Variants in EBF1 observed in about 807,000 individuals in gnomAD.
The protein encoded by EBF1 is EBF transcription factor 1.
EBF1 carries 10 observed loss-of-function variants against 68.4 expected under a neutral mutation model. The observed-to-expected ratio is 0.15, with a 90% CI of 0.09 to 0.25. The LOEUF is 0.25. EBF1 is among the 10% of genes least tolerant of loss of function. The probability of loss-of-function intolerance (pLI) is 1.00; values close to 1 mark genes in which losing one functional copy is unlikely to be tolerated. For synonymous variants in EBF1, 298 were observed against 299.8 expected (o/e 0.99, Z 0.06); for missense variants, 509 against 794.4 (o/e 0.64, Z 4.32).
chr5:158,989,515 C>T (rs145263089), intron 6 of EBF1, among the ~76,000 whole-genome samples: 124 of 152,318 alleles, frequency 8.1e-4, no homozygotes, highest in Middle Eastern at 3.4e-3. Flanking sequence ...CCATTTAAAA[C>T]CAATTGCAGG....
chr5:159,099,300 C>T, intron 1 of EBF1, 45 bp downstream of exon 1: 6 of 1,427,974 alleles, frequency 4.2e-6, no homozygotes, highest in Non-Finnish European at 5.5e-6. Context: ...TCCCGGCTCT[C>T]CCGCTCGCGG....
chr5:158,972,241 G>C (rs1166708696), intron 6 of EBF1, among the ~76,000 whole-genome samples: 2 of 152,060 alleles, frequency 1.3e-5, no homozygotes, highest in South Asian at 4.2e-4. Flanking sequence ...CATCTACCCA[G>C]CTGGATGCCC....
Position 158,962,760 on chromosome 5 carries a change from A to T in EBF1, c.554+110636T>A, listed in dbSNP as rs1275588421. On this transcript the variant is annotated intron_variant, in intron 6 of 15. Coordinates refer to ENST00000313708, the MANE Select transcript of EBF1 (RefSeq NM_024007.5). ...AGGTATAAATCTCGCCTGCGGGACT[A>T]AAAAGGTATAGGACTTCGAGCCATC... 2.0e-5 allele frequency among the ~76,000 whole-genome samples: 3 copies of T among 152,216 alleles called. No homozygotes were observed. In the East Asian group the frequency reaches 5.8e-4, roughly 29 times the overall value.
chr5:158,857,721 T>C (rs868575746), intron 6 of EBF1, among the ~76,000 whole-genome samples: 1 of 152,182 alleles, frequency 6.6e-6, no homozygotes, highest in Non-Finnish European at 1.5e-5. Flanking sequence ...CCATTTAACT[T>C]TGATTTCTTG....
intron 9 of EBF1, among the ~76,000 whole-genome samples, chr5:158,789,163 T>TC: frequency 6.6e-6 from 1 of 152,270 alleles, no homozygotes; most frequent in Non-Finnish European, 1.5e-5. Flanking sequence ...TTCTATATAA[T>TC]AGATGGTCAA....
chr5:158,741,482 G>A (rs796210096), intron 10 of EBF1, among the ~76,000 whole-genome samples: 4 of 152,058 alleles, frequency 2.6e-5, no homozygotes, highest in African/African-American at 9.6e-5. Flanking sequence ...GGCTGAAGTG[G>A]GAGAACAGCT....
At chr5:158,866,061 T>C (rs1007267451) in intron 6 of EBF1, among the ~76,000 whole-genome samples, 3 of 152,092 alleles carry the variant, frequency 2.0e-5, no homozygotes, top group Admixed American at 2.0e-4. Flanking sequence ...AAATGAAACA[T>C]ATTATAGGCA....
intron 6 of EBF1, among the ~76,000 whole-genome samples, chr5:159,008,680 C>A (rs28436627): frequency 0.021 from 3,249 of 152,016 alleles, 58 homozygotes; most frequent in Non-Finnish European, 0.029. Flanking sequence ...TATGCACCAC[C>A]ACGCCCGGCT....
At chr5:158,881,878 G>A (rs1185442647) in intron 6 of EBF1, among the ~76,000 whole-genome samples, 2 of 152,178 alleles carry the variant, frequency 1.3e-5, no homozygotes, top group Non-Finnish European at 2.9e-5. Context: ...GGCCCTGGGG[G>A]CAGGAGGGGC....
intron 4 of EBF1, 32 bp downstream of exon 4, chr5:159,095,588 A>C: frequency 6.2e-7 from 1 of 1,612,566 alleles, no homozygotes; most frequent in Non-Finnish European, 8.5e-7. Flanking sequence ...TGTGACATAG[A>C]GCCCCCCGTG....
intron 6 of EBF1, among the ~76,000 whole-genome samples, chr5:159,071,901 G>A (rs1777857268): frequency 6.6e-6 from 1 of 152,062 alleles, no homozygotes; most frequent in Non-Finnish European, 1.5e-5. Context: ...CAACAGAGGA[G>A]GAAGAAAAAT....
intron 6 of EBF1, among the ~76,000 whole-genome samples, chr5:158,893,131 T>C (rs1377523281): frequency 6.6e-6 from 1 of 152,208 alleles, no homozygotes; most frequent in East Asian, 1.9e-4. Context: ...AATCCACATG[T>C]CAAAATGTAA....
chr5:158,710,853 A>G (rs1759071297), intron 14 of EBF1, among the ~76,000 whole-genome samples: 1 of 152,236 alleles, frequency 6.6e-6, no homozygotes, highest in Non-Finnish European at 1.5e-5. Flanking sequence ...ACACCTATCT[A>G]TCCTTCCACA....
At chr5:158,876,054 T>G (rs1029007766) in intron 6 of EBF1, among the ~76,000 whole-genome samples, 2 of 152,230 alleles carry the variant, frequency 1.3e-5, no homozygotes, top group Non-Finnish European at 2.9e-5. Flanking sequence ...CTGATCCAAC[T>G]GCTTCATTTT....
At chr5:158,918,993 C>T (rs979261984) in intron 6 of EBF1, among the ~76,000 whole-genome samples, 2 of 152,196 alleles carry the variant, frequency 1.3e-5, no homozygotes, top group African/African-American at 2.4e-5. Context: ...CCAACCCTTC[C>T]AATATTCCAT....
chr5:158,877,361 C>T (rs1475488453), intron 6 of EBF1, among the ~76,000 whole-genome samples: 1 of 152,188 alleles, frequency 6.6e-6, no homozygotes. Flanking sequence ...AGCAGAGGCA[C>T]AGTATGGCAC....
intron 10 of EBF1, among the ~76,000 whole-genome samples, chr5:158,741,146 T>C (rs1055413085): frequency 1.3e-5 from 2 of 152,246 alleles, no homozygotes; most frequent in African/African-American, 4.8e-5. Context: ...ACCACACAAC[T>C]TTGCACACCT....
rs369626244 is a variant in EBF1 at position 158,823,158 on chromosome 5, T to C, written c.778+18A>G. On this transcript the variant is annotated intron_variant, in intron 8 of 15. Coordinates refer to ENST00000313708, the MANE Select transcript of EBF1 (RefSeq NM_024007.5). Reference sequence around the variant, plus strand: ...CAGTTAAAGTAGCAATGCCAACCAATGAAAATGATTCGCCTACCATGTTCC... The same window carrying C: ...CAGTTAAAGTAGCAATGCCAACCAACGAAAATGATTCGCCTACCATGTTCC... 3.7e-6 allele frequency: 6 copies of C among 1,613,684 alleles called. No individual in the cohort carries two copies. The African/African-American group carries it at 5.3e-5, about 14-fold the overall frequency.
intron 11 of EBF1, among the ~76,000 whole-genome samples, chr5:158,730,296 T>C (rs963982572): frequency 4.6e-5 from 7 of 152,240 alleles, no homozygotes; most frequent in African/African-American, 1.7e-4. Flanking sequence ...TTTTCTTTAA[T>C]GTGCTATTAT....
Sources: gnomAD v4.1 joint callset for allele counts (sites outside exome capture counted in the v4.1 genomes callset) on GRCh38, gnomAD v4.1.1 for gene constraint, MANE v1.5 for transcripts, NCBI Gene and HGNC (gene_info 2026-07-23, HGNC 2026-07-21) for gene names.